Variants in SRGAP3 observed in about 807,000 individuals in gnomAD.
SRGAP3 encodes SLIT-ROBO Rho GTPase activating protein 3.
Under a neutral mutation model 121.1 loss-of-function variants are expected in SRGAP3, and 39 were observed. That is an observed-to-expected ratio of 0.32 (90% CI 0.25 to 0.42). The LOEUF (loss-of-function observed/expected upper bound fraction) is 0.42. Ranked by LOEUF, SRGAP3 falls within the 10% of genes least tolerant of loss-of-function variation. The pLI, the probability that SRGAP3 is intolerant of heterozygous loss-of-function variation, is 1.00. For missense variants in SRGAP3, 1,213 were observed against 1,470.6 expected (o/e 0.82, Z 2.86); for synonymous variants, 601 against 570.0 (o/e 1.05, Z -0.77).
At chr3:9,059,769 A>C in intron 6 of SRGAP3, 1 of 264,312 alleles carries the variant, frequency 3.8e-6, no homozygotes. Flanking sequence ...TGATCTGTAT[A>C]ATTAAGTCTG....
chr3:9,046,267 T>C (rs1165164632), intron 10 of SRGAP3, among the ~76,000 whole-genome samples: 1 of 152,154 alleles, frequency 6.6e-6, no homozygotes, highest in African/African-American at 2.4e-5. Flanking sequence ...GTGACAGAAA[T>C]CAGATCAGAG....
At chr3:9,319,458 T>C (rs1306148065) in intron 3 of SRGAP3, among the ~76,000 whole-genome samples, 1 of 151,816 alleles carries the variant, frequency 6.6e-6, no homozygotes, top group African/African-American at 2.4e-5. Flanking sequence ...GCACAGCAGA[T>C]GACAGCAAGG....
chr3:9,258,870 G>A (rs6787581), intron 3 of SRGAP3, among the ~76,000 whole-genome samples: 6 of 151,996 alleles, frequency 3.9e-5, no homozygotes, highest in Non-Finnish European at 5.9e-5. Flanking sequence ...TCCTATTTGC[G>A]ATCAACCCTG....
At chr3:8,989,697 C>T (rs1427475891) in intron 21 of SRGAP3, among the ~76,000 whole-genome samples, 3 of 152,152 alleles carry the variant, frequency 2.0e-5, no homozygotes, top group Non-Finnish European at 4.4e-5. Context: ...ACCCATGAAA[C>T]CGGCTATGCA....
chr3:9,146,621 A>T (rs1410823688), intron 1 of SRGAP3, among the ~76,000 whole-genome samples: 1 of 152,218 alleles, frequency 6.6e-6, no homozygotes, highest in African/African-American at 2.4e-5. Context: ...TTCATGAGAA[A>T]GCTTGGCAGA....
chr3:9,169,174 C>T (rs1950891737), intron 1 of SRGAP3, among the ~76,000 whole-genome samples: 1 of 152,214 alleles, frequency 6.6e-6, no homozygotes, highest in Admixed American at 6.5e-5. Flanking sequence ...TAGTATCTAT[C>T]TTACAATATT....
intron 1 of SRGAP3, among the ~76,000 whole-genome samples, chr3:9,195,152 T>C (rs1951878993): frequency 6.6e-6 from 1 of 152,242 alleles, no homozygotes; most frequent in African/African-American, 2.4e-5. Context: ...TCACATAGTG[T>C]TTCCACCATA....
chr3:9,276,707 A>G (rs530869919), intron 3 of SRGAP3, among the ~76,000 whole-genome samples: 112 of 152,292 alleles, frequency 7.4e-4, no homozygotes, highest in East Asian at 2.1e-3. Flanking sequence ...TTACAGGCGT[A>G]AGCCACCGCA....
intron 2 of SRGAP3, among the ~76,000 whole-genome samples, chr3:9,329,273 C>G (rs915567651): frequency 3.9e-5 from 6 of 152,206 alleles, no homozygotes; most frequent in Non-Finnish European, 8.8e-5. Flanking sequence ...AGAAATCTGA[C>G]TGGTAAGAAA....
chr3:9,134,464 G>A (rs930742973), intron 1 of SRGAP3, among the ~76,000 whole-genome samples: 7 of 151,986 alleles, frequency 4.6e-5, no homozygotes, highest in African/African-American at 1.5e-4. Flanking sequence ...TCACATCTAC[G>A]CACAATCACA....
chr3:9,041,752 T>C (rs928860434), intron 10 of SRGAP3, among the ~76,000 whole-genome samples: 7 of 152,200 alleles, frequency 4.6e-5, no homozygotes, highest in African/African-American at 1.4e-4. Flanking sequence ...CAGTGCCATC[T>C]AGTAGAAATT....
chr3:9,089,070 T>C (rs1313902902), intron 3 of SRGAP3, among the ~76,000 whole-genome samples: 1 of 152,044 alleles, frequency 6.6e-6, no homozygotes, highest in Non-Finnish European at 1.5e-5. Flanking sequence ...GTTTATTGAC[T>C]ACCCAGTATA....
intron 3 of SRGAP3, among the ~76,000 whole-genome samples, chr3:9,303,293 C>T (rs1350022347): frequency 3.3e-5 from 5 of 151,968 alleles, no homozygotes; most frequent in Non-Finnish European, 5.9e-5. Context: ...GGCATGGTGG[C>T]GCATGCCTGT....
At chr3:9,196,780 G>A (rs1250816457) in intron 1 of SRGAP3, among the ~76,000 whole-genome samples, 1 of 152,128 alleles carries the variant, frequency 6.6e-6, no homozygotes, top group Non-Finnish European at 1.5e-5. Flanking sequence ...CCTAAATTTT[G>A]CAAACTAGTC....
chr3:9,057,095 T>C lies in SRGAP3; in HGVS notation c.1024-761A>G, dbSNP rs955253978. ...TTTGTTTGTTTTTTGTTGTTGTTGT[T>C]GTCGTTGTTTTTTAACAGAGACAGG... is the stretch of plus-strand genomic sequence containing the variant. On this transcript the variant is annotated intron_variant, in intron 7 of 21. Transcript: ENST00000383836. Among the ~76,000 whole-genome samples, 8 of 152,250 alleles carry C rather than the reference T, an allele frequency of 5.3e-5. No homozygotes were observed. The South Asian group carries it at 1.5e-3, about 28-fold the overall frequency.
chr3:9,068,313 C>G (rs1202302164), intron 4 of SRGAP3, among the ~76,000 whole-genome samples: 1 of 152,184 alleles, frequency 6.6e-6, no homozygotes, highest in Non-Finnish European at 1.5e-5. Flanking sequence ...TGGGTGTTCT[C>G]AATTCCCACA....
At chr3:9,171,410 G>A (rs181485091) in intron 1 of SRGAP3, among the ~76,000 whole-genome samples, 70 of 152,286 alleles carry the variant, frequency 4.6e-4, no homozygotes, top group Admixed American at 2.9e-3. Context: ...CTCCAAAATG[G>A]GAATGCCCAC....
chr3:9,260,173 C>G (rs554372480), intron 3 of SRGAP3, among the ~76,000 whole-genome samples: 1 of 152,154 alleles, frequency 6.6e-6, no homozygotes, highest in Non-Finnish European at 1.5e-5. Context: ...GAGATTCCCT[C>G]GGGTGCCTAC....
At chr3:9,208,969 C>T (rs6797462) in intron 1 of SRGAP3, among the ~76,000 whole-genome samples, 37,520 of 152,190 alleles carry the variant, frequency 0.25, 4,949 homozygotes, top group East Asian at 0.52. Flanking sequence ...AAAATCCAGA[C>T]TCACTTCTCA....
Sources: allele counts gnomAD v4.1 joint callset (sites outside exome capture counted in the v4.1 genomes callset), GRCh38; gene constraint gnomAD v4.1.1; transcripts MANE v1.5; gene names NCBI Gene and HGNC (gene_info 2026-07-23, HGNC 2026-07-21).